The following PTPRD variants were observed in gnomAD, a reference collection of about 807,000 sequenced individuals.
The protein encoded by PTPRD is receptor-type tyrosine-protein phosphatase delta.
A neutral mutation model predicts 214.5 loss-of-function variants in PTPRD; 34 were observed. The ratio of observed to expected loss-of-function variants is 0.16; its 90% CI spans 0.12 to 0.21. The LOEUF is 0.21. Ranked by LOEUF, PTPRD falls within the 10% of genes least tolerant of loss-of-function variation. The pLI, the probability that PTPRD is intolerant of heterozygous loss-of-function variation, is 1.00. For synonymous variants in PTPRD, 1,128 were observed against 845.7 expected (o/e 1.33, Z -5.79); for missense variants, 2,545 against 2,398.7 (o/e 1.06, Z -1.27).
intron 8 of PTPRD, among the ~76,000 whole-genome samples, chr9:9,450,431 A>AT (rs1192687597): frequency 6.6e-6 from 1 of 151,764 alleles, no homozygotes; most frequent in African/African-American, 2.4e-5. Flanking sequence ...AACATCTATT[A>AT]TTTTTTGACT....
chr9:9,099,065 G>T (rs946506324), intron 10 of PTPRD, among the ~76,000 whole-genome samples: 3 of 152,158 alleles, frequency 2.0e-5, no homozygotes, highest in African/African-American at 7.2e-5. Context: ...TGAGTACAAT[G>T]ACATTTTGAT....
At chr9:9,721,211 A>G (rs2097935782) in intron 7 of PTPRD, among the ~76,000 whole-genome samples, 1 of 152,194 alleles carries the variant, frequency 6.6e-6, no homozygotes, top group African/African-American at 2.4e-5. Flanking sequence ...ATAGAGGATC[A>G]TGGAATATCT....
intron 5 of PTPRD, among the ~76,000 whole-genome samples, chr9:9,835,327 C>T (rs949412176): frequency 6.6e-6 from 1 of 151,912 alleles, no homozygotes; most frequent in Non-Finnish European, 1.5e-5. Context: ...ATAAACAGTA[C>T]ATTTAGTTAT....
At chr9:9,600,561 G>C (rs749095232) in intron 7 of PTPRD, among the ~76,000 whole-genome samples, 6 of 152,040 alleles carry the variant, frequency 3.9e-5, no homozygotes, top group Non-Finnish European at 8.8e-5. Context: ...CAAGAGGAAG[G>C]AGGCATAAAC....
At chr9:8,977,020 T>C (rs148159096) in intron 11 of PTPRD, among the ~76,000 whole-genome samples, 564 of 152,244 alleles carry the variant, frequency 3.7e-3, no homozygotes, top group African/African-American at 0.013. Flanking sequence ...AAATGAACTC[T>C]TTAAATCACT....
At position 8,619,499 on chromosome 9, in the gene PTPRD, T is replaced by C. The variant is rs190490764; in HGVS notation, c.352+13818A>G. On this transcript the variant is annotated intron_variant, in intron 14 of 45. Transcript: ENST00000381196. Reference sequence around the variant, plus strand: ...AATTACCATAATATTTTACAAGATATAAAGAGGTATAACAACCAAATGCAT... The same window carrying C: ...AATTACCATAATATTTTACAAGATACAAAGAGGTATAACAACCAAATGCAT... Among the ~76,000 whole-genome samples, 9 of 152,112 alleles carry C rather than the reference T, an allele frequency of 5.9e-5. No individual in the cohort carries two copies. The South Asian group carries it at 6.2e-4, about 11-fold the overall frequency.
intron 12 of PTPRD, among the ~76,000 whole-genome samples, chr9:8,728,398 A>T (rs1156309397): frequency 6.6e-6 from 1 of 152,102 alleles, no homozygotes. Context: ...AGGTCTTGCT[A>T]TGTTGTCCAG....
intron 2 of PTPRD, among the ~76,000 whole-genome samples, chr9:10,570,026 T>C (rs1460027121): frequency 6.6e-6 from 1 of 152,114 alleles, no homozygotes; most frequent in Non-Finnish European, 1.5e-5. Flanking sequence ...GTCATTTTCG[T>C]ATAAAACTAT....
At chr9:10,241,004 A>AC (rs2090923546) in intron 3 of PTPRD, among the ~76,000 whole-genome samples, 2 of 137,794 alleles carry the variant, frequency 1.5e-5, no homozygotes, top group Non-Finnish European at 3.2e-5. Context: ...AGAAAGATAT[A>AC]AATACCAGAG....
At chr9:9,840,761 CAAAAAAAAAAAAAAAAAAAA>C (rs59780411) in intron 5 of PTPRD, among the ~76,000 whole-genome samples, 31 of 61,620 alleles carry the variant, frequency 5.0e-4, no homozygotes, top group African/African-American at 1.9e-3. Flanking sequence ...GACTCCGTTT[CAAAAAAAAAAAAAAAAAAAA>C]AAAAAAAAAA....
intron 9 of PTPRD, among the ~76,000 whole-genome samples, chr9:9,365,351 C>G (rs577137702): frequency 6.6e-6 from 1 of 151,452 alleles, no homozygotes; most frequent in East Asian, 2.0e-4. Flanking sequence ...TTGGTATTAG[C>G]CTTAATAGAG....
In PTPRD at chr9:10,253,019, G is replaced by C. The variant is rs182402083; in HGVS notation, c.-545+87944C>G. Among the ~76,000 whole-genome samples, 253 of 152,214 alleles carry C rather than the reference G, an allele frequency of 1.7e-3. 1 individual carries two copies. Among genetic ancestry groups the C allele is most frequent in the African/African-American group, 5.4e-3 (226 of 41,544 alleles). On this transcript the variant is annotated intron_variant, in intron 3 of 45. Transcript: ENST00000381196. The stretch of plus-strand genomic sequence containing the variant: ...GAGTGGTCTCAAACTCTTGACCTCA[G>C]GTGATCCGTCTGCCTTGGCCTCCCA...
intron 3 of PTPRD, among the ~76,000 whole-genome samples, chr9:10,242,757 G>C (rs1007686304): frequency 2.0e-5 from 3 of 151,556 alleles, no homozygotes; most frequent in African/African-American, 7.3e-5. Context: ...TTTCTTTCTA[G>C]TGGTGGAGGA....
At chr9:10,136,182 C>T (rs2098941936) in intron 3 of PTPRD, among the ~76,000 whole-genome samples, 1 of 151,740 alleles carries the variant, frequency 6.6e-6, no homozygotes, top group African/African-American at 2.4e-5. Context: ...ACAAGAACAC[C>T]TAATTATCCT....
At chr9:9,011,516 A>G (rs1402980423) in intron 11 of PTPRD, among the ~76,000 whole-genome samples, 2 of 152,142 alleles carry the variant, frequency 1.3e-5, no homozygotes, top group Non-Finnish European at 2.9e-5. Context: ...TGTTATTCAA[A>G]GGCCTAAGAC....
At chr9:10,552,561 C>A (rs1215671820) in intron 2 of PTPRD, among the ~76,000 whole-genome samples, 2 of 152,072 alleles carry the variant, frequency 1.3e-5, no homozygotes, top group Non-Finnish European at 2.9e-5. Context: ...ATCTTAGAAT[C>A]CCATAATGCA....
At chr9:10,057,163 CTGTGA>C (rs2154161568) in intron 3 of PTPRD, among the ~76,000 whole-genome samples, 1 of 152,200 alleles carries the variant, frequency 6.6e-6, no homozygotes, top group South Asian at 2.1e-4. Flanking sequence ...GATGCTGTGG[CTGTGA>C]ATCATAAAGT....
intron 8 of PTPRD, among the ~76,000 whole-genome samples, chr9:9,425,605 C>T (rs3858066): frequency 0.18 from 26,995 of 150,920 alleles, 2,950 homozygotes; most frequent in East Asian, 0.45. Flanking sequence ...TGGAAAGCAG[C>T]GTAAGATCAC....
intron 5 of PTPRD, among the ~76,000 whole-genome samples, chr9:9,920,974 C>T (rs2082385405): frequency 2.0e-5 from 3 of 152,066 alleles, no homozygotes; most frequent in African/African-American, 7.2e-5. Flanking sequence ...TTACAAGTTG[C>T]AGGCACTAAG....
Sources: allele counts gnomAD v4.1 joint callset (sites outside exome capture counted in the v4.1 genomes callset), GRCh38; gene constraint gnomAD v4.1.1; transcripts MANE v1.5; gene names NCBI Gene and HGNC (gene_info 2026-07-23, HGNC 2026-07-21).